The following NBAS variants were observed in gnomAD, a reference collection of about 807,000 sequenced individuals.
The protein encoded by NBAS is NBAS subunit of NRZ tethering complex, also known as NAG/BC035112 fusion.
NBAS carries 219 observed loss-of-function variants against 302.5 expected under a neutral mutation model. The observed-to-expected ratio is 0.72, with a 90% CI of 0.65 to 0.81. NBAS has a LOEUF of 0.81. Ranked by LOEUF, NBAS falls within the 30% of genes least tolerant of loss-of-function variation. NBAS has a pLI of 0.00. For missense variants in NBAS, 2,932 were observed against 2,841.6 expected, an observed-to-expected ratio of 1.03 and a Z score of -0.72; for synonymous variants, 1,118 against 1,021.6, an observed-to-expected ratio of 1.09 and a Z score of -1.80.
intron 25 of NBAS, among the ~76,000 whole-genome samples, chr2:15,411,720 C>T (rs982674412): frequency 5.3e-5 from 8 of 152,098 alleles, no homozygotes; most frequent in African/African-American, 1.2e-4. Context: ...CAGTTGTTCC[C>T]GGTTTTCCAT....
At chr2:14,894,705 C>G in the NBAS span, among the ~76,000 whole-genome samples, 1 of 152,118 alleles carries the variant, frequency 6.6e-6, no homozygotes, top group Non-Finnish European at 1.5e-5. Flanking sequence ...CACAAGGACT[C>G]TAAGTCCTTA....
chr2:14,892,312 G>T, the NBAS span, among the ~76,000 whole-genome samples: 3 of 152,178 alleles, frequency 2.0e-5, no homozygotes, highest in South Asian at 6.2e-4. Flanking sequence ...AAACAAGCAA[G>T]CAAACCTCAA....
chr2:15,043,423 G>A, the NBAS span, among the ~76,000 whole-genome samples: 1 of 152,070 alleles, frequency 6.6e-6, no homozygotes, highest in African/African-American at 2.4e-5. Context: ...AGTCAGGTTT[G>A]AGCATGTCAC....
At position 15,456,322 on chromosome 2, in the gene NBAS, G is replaced by A. The variant is rs1396735390; in HGVS notation, c.2339+4879C>T. Among the ~76,000 whole-genome samples the A allele has an allele frequency of 2.0e-5, 3 of 152,176 alleles. No individual in the cohort carries two copies. In the South Asian group the frequency reaches 6.2e-4, roughly 31 times the overall value. On this transcript the variant is annotated intron_variant, in intron 21 of 51. Coordinates refer to ENST00000281513, the MANE Select transcript of NBAS (RefSeq NM_015909.4). ...ATGCCAAGGCAAAAGTTCTGCCAGT[G>A]GGATCTCAAAACAGAGCAGGCAATA...
chr2:15,367,406 T>C lies in NBAS; in HGVS notation c.3704-713A>G, dbSNP rs932703357. On this transcript the variant is annotated intron_variant, in intron 31 of 51. Coordinates refer to ENST00000281513, the MANE Select transcript of NBAS (RefSeq NM_015909.4). ...GGAGGCTGGCCCCCAATAATTATAA[T>C]AACAACAACTACGATAATAGCAACT... 9.9e-5 allele frequency among the ~76,000 whole-genome samples: 15 copies of C among 152,112 alleles called. 1 individual carries two copies. Among genetic ancestry groups the C allele is most frequent in the Admixed American group, 7.2e-4 (11 of 15,264 alleles).
the NBAS span, among the ~76,000 whole-genome samples, chr2:15,070,838 TGGAA>T: frequency 0.5 from 75,821 of 151,716 alleles, 21,459 homozygotes; most frequent in Non-Finnish European, 0.62. Flanking sequence ...ACAGTTTCTT[TGGAA>T]GAAGAAAGAG....
At chr2:14,861,007 A>G in the NBAS span, among the ~76,000 whole-genome samples, 3 of 152,188 alleles carry the variant, frequency 2.0e-5, no homozygotes, top group African/African-American at 4.8e-5. Context: ...ATAAATTAAA[A>G]TTTCAAAAAA....
At chr2:15,363,684 CATAAA>C (rs1187337874) in intron 32 of NBAS, among the ~76,000 whole-genome samples, 1 of 152,142 alleles carries the variant, frequency 6.6e-6, no homozygotes, top group Non-Finnish European at 1.5e-5. Flanking sequence ...AGTATTAAAG[CATAAA>C]ATGAGTATTA....
At chr2:14,999,587 A>G in the NBAS span, among the ~76,000 whole-genome samples, 1 of 152,078 alleles carries the variant, frequency 6.6e-6, no homozygotes, top group African/African-American at 2.4e-5. Flanking sequence ...CCACCATGGG[A>G]AGACATGCTT....
the NBAS span, among the ~76,000 whole-genome samples, chr2:14,841,552 A>T: frequency 6.6e-6 from 1 of 151,962 alleles, no homozygotes; most frequent in Admixed American, 6.5e-5. Context: ...AAAATAGACT[A>T]CAAATAAAAG....
the NBAS span, among the ~76,000 whole-genome samples, chr2:14,785,903 T>C: frequency 2.0e-5 from 3 of 152,156 alleles, no homozygotes; most frequent in African/African-American, 4.8e-5. Flanking sequence ...ATGGTACCAG[T>C]TCCTCCTTGT....
chr2:15,261,667 C>A (rs1241471880), intron 44 of NBAS, among the ~76,000 whole-genome samples: 1 of 152,112 alleles, frequency 6.6e-6, no homozygotes, highest in African/African-American at 2.4e-5. Context: ...CTAATACATT[C>A]CTAAGTTTTT....
chr2:15,064,916 T>C, the NBAS span, among the ~76,000 whole-genome samples: 3 of 152,190 alleles, frequency 2.0e-5, no homozygotes. Context: ...GAGTTGTCCC[T>C]GGCATGCAAG....
Position 15,536,579 on chromosome 2 carries a change from T to TAA in NBAS, c.514-30_514-29dup, listed in dbSNP as rs57935128. 6.0e-3 allele frequency: 7,781 copies of TAA among 1,301,300 alleles called. 52 individuals are homozygous for TAA. Among genetic ancestry groups the TAA allele is most frequent in the African/African-American group, 0.052 (3,403 of 65,816 alleles). 80.6% of individuals were successfully genotyped at this position (1,301,300 alleles called of 1,614,324 possible). A position where few individuals can be genotyped will look rare whatever the true frequency, so the allele number is the denominator to read the frequency against. On this transcript the variant is annotated intron_variant, in intron 7 of 51. Transcript: ENST00000281513. ...ACAGAAGAGGGGGAAATTAAGTTAC[T>TAA]AAAAAAAAAAAAACTAGATAAAAGT...
chr2:15,501,589 T>TTC (rs1661561083), intron 11 of NBAS, among the ~76,000 whole-genome samples: 1 of 146,164 alleles, frequency 6.8e-6, no homozygotes, highest in African/African-American at 2.5e-5. Context: ...TAAATATTTT[T>TTC]TTTTTTTTTT....
At chr2:15,418,944 A>C (rs1247730557) in intron 23 of NBAS, among the ~76,000 whole-genome samples, 1 of 152,054 alleles carries the variant, frequency 6.6e-6, no homozygotes, top group Admixed American at 6.5e-5. Flanking sequence ...AAGGAATACT[A>C]AGTATTTACT....
At chr2:14,795,692 G>A in the NBAS span, among the ~76,000 whole-genome samples, 11 of 152,068 alleles carry the variant, frequency 7.2e-5, no homozygotes, top group South Asian at 2.1e-4. Flanking sequence ...TGGATAAATC[G>A]TTGCTGTAGG....
intron 28 of NBAS, among the ~76,000 whole-genome samples, chr2:15,392,823 A>G (rs1248644222): frequency 6.6e-6 from 1 of 152,014 alleles, no homozygotes; most frequent in Non-Finnish European, 1.5e-5. Context: ...CTTTGGGGGA[A>G]AAAAAACAAA....
chr2:15,140,798 T>A, the NBAS span, among the ~76,000 whole-genome samples: 5 of 152,190 alleles, frequency 3.3e-5, no homozygotes, highest in East Asian at 9.6e-4. Context: ...TGAAAAAGTA[T>A]GTGAAATACA....
Sources: allele counts gnomAD v4.1 joint callset (sites outside exome capture counted in the v4.1 genomes callset), GRCh38; gene constraint gnomAD v4.1.1; transcripts MANE v1.5; gene names NCBI Gene and HGNC (gene_info 2026-07-23, HGNC 2026-07-21).